Variants in HCN1 observed in about 807,000 individuals in gnomAD.
HCN1 encodes the protein potassium/sodium hyperpolarization-activated cyclic nucleotide-gated channel 1.
Under a neutral mutation model 78.9 loss-of-function variants are expected in HCN1, and 13 were observed. That is an observed-to-expected ratio of 0.16 (90% CI 0.11 to 0.26). HCN1 has a LOEUF of 0.26. HCN1 is among the 10% of genes least tolerant of loss of function. The probability of loss-of-function intolerance (pLI) is 1.00; values close to 1 mark genes in which losing one functional copy is unlikely to be tolerated. For synonymous variants in HCN1, 552 were observed against 455.5 expected (o/e 1.21, Z -2.70); for missense variants, 810 against 1,154.3 (o/e 0.70, Z 4.32).
chr5:45,272,323 C>T (rs192018486), intron 6 of HCN1, among the ~76,000 whole-genome samples: 30 of 152,132 alleles, frequency 2.0e-4, no homozygotes, highest in Admixed American at 1.3e-3. Flanking sequence ...TCATCTGTAG[C>T]TCATACTATC....
chr5:45,538,598 G>T (rs1456745926), intron 2 of HCN1, among the ~76,000 whole-genome samples: 1 of 152,034 alleles, frequency 6.6e-6, no homozygotes, highest in Admixed American at 6.6e-5. Context: ...TGATAAAAAG[G>T]CTTGGTCTGA....
chr5:45,298,073 T>C (rs1008665846), intron 6 of HCN1, among the ~76,000 whole-genome samples: 4 of 152,054 alleles, frequency 2.6e-5, no homozygotes, highest in Non-Finnish European at 5.9e-5. Context: ...GATGTTGCTA[T>C]GGTTTGAATA....
rs577708257 is a variant in HCN1, at chr5:45,383,332, G to A, written c.1230+13160C>T. ...AAATTAGTGTAACTTTTTAAACTAAGGCTTCTGAAAATAAATGATTATAAT... is the reference window on the plus strand; with the variant it reads ...AAATTAGTGTAACTTTTTAAACTAAAGCTTCTGAAAATAAATGATTATAAT... On this transcript the variant is annotated intron_variant, in intron 4 of 7. Coordinates refer to ENST00000303230, the MANE Select transcript of HCN1 (RefSeq NM_021072.4). Among the ~76,000 whole-genome samples, 5 of 152,152 alleles carry A rather than the reference G, an allele frequency of 3.3e-5. No homozygotes were observed. In the East Asian group the frequency reaches 9.7e-4, roughly 29 times the overall value.
At chr5:45,553,404 A>G (rs1318706735) in intron 2 of HCN1, among the ~76,000 whole-genome samples, 2 of 151,854 alleles carry the variant, frequency 1.3e-5, no homozygotes, top group African/African-American at 4.8e-5. Context: ...GCCCCTGGAC[A>G]CACTATAAAT....
At chr5:45,691,007 C>T (rs894642466) in intron 1 of HCN1, among the ~76,000 whole-genome samples, 4 of 152,080 alleles carry the variant, frequency 2.6e-5, no homozygotes, top group Non-Finnish European at 5.9e-5. Flanking sequence ...CTGCTGGTTT[C>T]CTGCTCACTA....
intron 6 of HCN1, among the ~76,000 whole-genome samples, chr5:45,290,292 G>C (rs1296991587): frequency 6.6e-6 from 1 of 151,970 alleles, no homozygotes; most frequent in South Asian, 2.1e-4. Flanking sequence ...AATTAGCAAT[G>C]TGAGAATGGA....
intron 4 of HCN1, among the ~76,000 whole-genome samples, chr5:45,388,159 C>T (rs1285084150): frequency 6.6e-6 from 1 of 152,058 alleles, no homozygotes; most frequent in African/African-American, 2.4e-5. Flanking sequence ...ATATGAACTT[C>T]CTAAGAAATT....
intron 2 of HCN1, among the ~76,000 whole-genome samples, chr5:45,529,475 T>A (rs1405295679): frequency 2.0e-5 from 3 of 151,980 alleles, no homozygotes; most frequent in Non-Finnish European, 4.4e-5. Flanking sequence ...AAAAGCAGGC[T>A]CCTGCTCACC....
At chr5:45,493,874 G>C (rs1741957485) in intron 2 of HCN1, among the ~76,000 whole-genome samples, 1 of 151,312 alleles carries the variant, frequency 6.6e-6, no homozygotes, top group Admixed American at 6.6e-5. Context: ...TCTTGCGATA[G>C]TTTACTGAGA....
chr5:45,448,560 T>A (rs1054474318), intron 3 of HCN1, among the ~76,000 whole-genome samples: 1 of 152,176 alleles, frequency 6.6e-6, no homozygotes, highest in Admixed American at 6.5e-5. Context: ...GGTAGCAAAA[T>A]AAAAACAAAG....
intron 2 of HCN1, among the ~76,000 whole-genome samples, chr5:45,596,405 T>A (rs1010507461): frequency 2.6e-5 from 4 of 152,210 alleles, no homozygotes; most frequent in African/African-American, 9.6e-5. Context: ...ATAGTGACAA[T>A]GACTTTCACA....
At chr5:45,309,330 C>T (rs547927761) in intron 5 of HCN1, among the ~76,000 whole-genome samples, 13 of 152,210 alleles carry the variant, frequency 8.5e-5, no homozygotes, top group African/African-American at 2.9e-4. Flanking sequence ...AGCTTGACTT[C>T]CTCTTTTCTT....
intron 2 of HCN1, among the ~76,000 whole-genome samples, chr5:45,529,888 C>T (rs1316232624): frequency 6.6e-6 from 1 of 151,778 alleles, no homozygotes; most frequent in South Asian, 2.1e-4. Flanking sequence ...CCAAATTATC[C>T]CAAACCAAAG....
At chr5:45,374,887 TAGAGAGAGAC>T (rs1196750793) in intron 4 of HCN1, among the ~76,000 whole-genome samples, 1 of 144,218 alleles carries the variant, frequency 6.9e-6, no homozygotes, top group East Asian at 2.0e-4. Flanking sequence ...GGTATATATA[TAGAGAGAGAC>T]AGAGAGAGAG....
chr5:45,293,878 G>T (rs190668064), intron 6 of HCN1, among the ~76,000 whole-genome samples: 53 of 151,890 alleles, frequency 3.5e-4, no homozygotes, highest in African/African-American at 1.2e-3. Context: ...GAAAAGAAAA[G>T]ATCTGACAGA....
At position 45,645,519 on chromosome 5, in the gene HCN1, G is replaced by T; in HGVS notation, c.515C>A (p.Thr172Lys). ...VGITFFTEQT[T>K]TPWIIFNVAS... ...CACATTGAAAATAATCCATGGTGTTGTTGTTTGCTCTGTAAAGAATGTGAT... is the reference window on the plus strand; with the variant it reads ...CACATTGAAAATAATCCATGGTGTTTTTGTTTGCTCTGTAAAGAATGTGAT... Residue 172 changes from threonine to lysine, a missense_variant, in exon 2 of 8, where the codon ACA (threonine) becomes AAA (lysine). Around this residue, in one of 6 missense-constraint regions of HCN1, gnomAD observed 104 missense variants for 402.8 expected, o/e 0.26. Coordinates refer to ENST00000303230, the MANE Select transcript of HCN1 (RefSeq NM_021072.4). 1 of 1,612,400 alleles carries T rather than the reference G, an allele frequency of 6.2e-7. No individual in the cohort carries two copies. The highest frequency in any genetic ancestry group is 8.5e-7 in the Non-Finnish European group (1 of 1,178,900).
At chr5:45,509,181 G>T (rs1742361913) in intron 2 of HCN1, among the ~76,000 whole-genome samples, 1 of 152,108 alleles carries the variant, frequency 6.6e-6, no homozygotes. Context: ...AATCGATCTT[G>T]TTCATTTGTA....
At chr5:45,365,946 T>C (rs1422622512) in intron 4 of HCN1, among the ~76,000 whole-genome samples, 2 of 151,874 alleles carry the variant, frequency 1.3e-5, no homozygotes, top group Non-Finnish European at 2.9e-5. Flanking sequence ...TGACCTCCCA[T>C]TTAATTTCTT....
chr5:45,609,556 T>C (rs1036127625), intron 2 of HCN1, among the ~76,000 whole-genome samples: 2 of 152,132 alleles, frequency 1.3e-5, no homozygotes, highest in African/African-American at 4.8e-5. Context: ...TTAGATTCTA[T>C]AGTAATTTTG....
Sources: gnomAD v4.1 joint callset for allele counts (sites outside exome capture counted in the v4.1 genomes callset) on GRCh38, gnomAD v4.1.1 for gene constraint, gnomAD v4.1.1 regional missense constraint, MANE v1.5 for transcripts, NCBI Gene and HGNC (gene_info 2026-07-23, HGNC 2026-07-21) for gene names.